Variants in CNTNAP4 observed in about 807,000 individuals in gnomAD.
The protein encoded by CNTNAP4 is contactin associated protein family member 4, also known as contactin-associated protein-like 4.
A neutral mutation model predicts 148.4 loss-of-function variants in CNTNAP4; 98 were observed. The observed-to-expected ratio is 0.66, with a 90% confidence interval of 0.56 to 0.78. The LOEUF (loss-of-function observed/expected upper bound fraction) is 0.78. Among genes scored for constraint, CNTNAP4 ranks in the 30% least tolerant of loss-of-function variants. The pLI, the probability that CNTNAP4 is intolerant of heterozygous loss-of-function variation, is 0.00. For synonymous variants in CNTNAP4, 730 were observed against 565.1 expected, an observed-to-expected ratio of 1.29 and a Z score of -4.14; for missense variants, 1,935 against 1,565.6, an observed-to-expected ratio of 1.24 and a Z score of -3.98.
chr16:76,468,740 T>G (rs1445479376), intron 10 of CNTNAP4, among the ~76,000 whole-genome samples: 1 of 152,076 alleles, frequency 6.6e-6, no homozygotes, highest in Non-Finnish European at 1.5e-5. Context: ...ATTACAGGCA[T>G]GAGTCACTGT....
chr16:76,346,432 T>TTAAAA (rs763025856), intron 2 of CNTNAP4, among the ~76,000 whole-genome samples: 1 of 123,772 alleles, frequency 8.1e-6, no homozygotes, highest in Non-Finnish European at 1.7e-5. Flanking sequence ...CTAGGGAAGA[T>TTAAAA]AAAAAAAAAA....
intron 4 of CNTNAP4, among the ~76,000 whole-genome samples, chr16:76,445,243 AC>A (rs911553638): frequency 4.3e-4 from 66 of 152,248 alleles, no homozygotes; most frequent in African/African-American, 1.5e-3. Flanking sequence ...TTTATCAACT[AC>A]CTTAAGTGAC....
chr16:76,458,168 G>A (rs1475751332), intron 8 of CNTNAP4, among the ~76,000 whole-genome samples: 7 of 152,120 alleles, frequency 4.6e-5, no homozygotes, highest in Non-Finnish European at 1.0e-4. Flanking sequence ...TGATGTATAT[G>A]TGCCACATTT....
intron 15 of CNTNAP4, among the ~76,000 whole-genome samples, chr16:76,516,666 G>T (rs917285849): frequency 6.6e-6 from 1 of 152,236 alleles, no homozygotes; most frequent in African/African-American, 2.4e-5. Flanking sequence ...CCTTCTGCAG[G>T]TAGATGGTTA....
chr16:76,495,152 G>A (rs2082359022), intron 14 of CNTNAP4, 86 bp downstream of exon 14: 1 of 1,372,402 alleles, frequency 7.3e-7, no homozygotes, highest in Admixed American at 1.8e-5. Flanking sequence ...GCCAGATACT[G>A]AACAAGTTAG....
At chr16:76,511,360 T>G (rs2083019817) in intron 15 of CNTNAP4, among the ~76,000 whole-genome samples, 1 of 152,188 alleles carries the variant, frequency 6.6e-6, no homozygotes, top group Non-Finnish European at 1.5e-5. Flanking sequence ...GTCTGAGAAA[T>G]CACAGCTGCC....
chr16:76,282,374 T>C lies in CNTNAP4; in HGVS notation c.85+4627T>C, dbSNP rs1447625147. Among the ~76,000 whole-genome samples the C allele has an allele frequency of 3.3e-5, 5 of 151,908 alleles. No homozygotes were observed. The East Asian group carries it at 7.7e-4, about 23-fold the overall frequency. On this transcript the variant is annotated intron_variant, in intron 1 of 23. Transcript: ENST00000611870. ...AGTAATATAAGTTCAATGAAGTATA[T>C]AAGTAATATAAGTTCAATTAACTGT...
At chr16:76,309,288 C>T (rs1371450467) in intron 1 of CNTNAP4, among the ~76,000 whole-genome samples, 2 of 151,858 alleles carry the variant, frequency 1.3e-5, no homozygotes, top group Admixed American at 6.6e-5. Context: ...GATGCCCACC[C>T]AAAGGAAATC....
intron 1 of CNTNAP4, among the ~76,000 whole-genome samples, chr16:76,291,241 A>G (rs966403076): frequency 6.6e-6 from 1 of 152,174 alleles, no homozygotes; most frequent in African/African-American, 2.4e-5. Flanking sequence ...GTTCAACAGT[A>G]GATACATTGC....
intron 9 of CNTNAP4, among the ~76,000 whole-genome samples, chr16:76,464,927 G>C (rs1436667926): frequency 6.6e-6 from 1 of 152,150 alleles, no homozygotes; most frequent in Non-Finnish European, 1.5e-5. Context: ...TCTAGATTGA[G>C]AATGGCTGGG....
chr16:76,388,408 T>C (rs2016688950), intron 3 of CNTNAP4, among the ~76,000 whole-genome samples: 1 of 152,218 alleles, frequency 6.6e-6, no homozygotes, highest in Non-Finnish European at 1.5e-5. Context: ...AGTAATGAAG[T>C]GGTTTTGAAA....
chr16:76,290,503 C>A lies in CNTNAP4; in HGVS notation c.85+12756C>A, dbSNP rs139193086. Among the ~76,000 whole-genome samples, 3 of 152,268 alleles carry A rather than the reference C, an allele frequency of 2.0e-5. No individual in the cohort carries two copies. In the South Asian group the frequency reaches 6.2e-4, roughly 32 times the overall value. ...GGCACTCGCTCATGTAGATAACTAA[C>A]GTTTTCTCCTCTGAGTGTACACTGT... On this transcript the variant is annotated intron_variant, in intron 1 of 23. Transcript: ENST00000611870.
At chr16:76,496,239 C>T (rs974715778) in intron 14 of CNTNAP4, among the ~76,000 whole-genome samples, 94 of 151,810 alleles carry the variant, frequency 6.2e-4, no homozygotes, top group Middle Eastern at 3.4e-3. Context: ...CTTATCACTA[C>T]TTTCACAAAA....
chr16:76,312,595 C>G (rs1219077841), intron 1 of CNTNAP4, among the ~76,000 whole-genome samples: 1 of 152,114 alleles, frequency 6.6e-6, no homozygotes, highest in Non-Finnish European at 1.5e-5. Context: ...GCATGGCAAA[C>G]CTGGAACTGG....
At chr16:76,484,168 T>C (rs1286289537) in intron 12 of CNTNAP4, among the ~76,000 whole-genome samples, 1 of 149,014 alleles carries the variant, frequency 6.7e-6, no homozygotes, top group East Asian at 2.0e-4. Flanking sequence ...CTGAAGAGTG[T>C]GTATGTGTGT....
intron 8 of CNTNAP4, among the ~76,000 whole-genome samples, chr16:76,461,206 C>A (rs1366192506): frequency 2.6e-5 from 4 of 151,994 alleles, no homozygotes; most frequent in East Asian, 3.9e-4. Flanking sequence ...AACAAACTTA[C>A]AAAAATTTAA....
intron 4 of CNTNAP4, among the ~76,000 whole-genome samples, chr16:76,433,364 C>T (rs920601956): frequency 6.6e-6 from 1 of 152,042 alleles, no homozygotes; most frequent in Non-Finnish European, 1.5e-5. Flanking sequence ...TTAATTGCTT[C>T]AATGCAGACA....
rs774408296 is a variant in CNTNAP4, at chr16:76,461,992, C to T, written c.1370C>T (p.Ser457Phe). The change falls in exon 9 of 24, where the codon TCT (serine) becomes TTT (phenylalanine). Residue 457 changes from serine (S) to phenylalanine (F), a missense_variant. Transcript: ENST00000611870. ...ELNDGQWHSV[S>F]LSAKKNHLSV... ...AATGATGGGCAGTGGCATTCTGTCT[C>T]TTTATCTGCTAAAAAGAATCACTTG... The T allele has an allele frequency of 1.2e-6, 2 of 1,613,824 alleles. No homozygotes were observed. The highest frequency in any genetic ancestry group is 8.5e-7 in the Non-Finnish European group (1 of 1,179,768).
At chr16:76,413,315 T>G (rs1250524483) in intron 3 of CNTNAP4, among the ~76,000 whole-genome samples, 2 of 151,218 alleles carry the variant, frequency 1.3e-5, no homozygotes, top group African/African-American at 2.4e-5. Flanking sequence ...GAACTCAACT[T>G]TTTTGATTTT....
Sources: gnomAD v4.1 joint callset for allele counts (sites outside exome capture counted in the v4.1 genomes callset) on GRCh38, gnomAD v4.1.1 for gene constraint, MANE v1.5 for transcripts, NCBI Gene and HGNC (gene_info 2026-07-23, HGNC 2026-07-21) for gene names.